The following KLHL29 variants were observed in gnomAD, a reference collection of about 807,000 sequenced individuals.
KLHL29 encodes the protein kelch like family member 29, also known as kelch-like protein 29.
A neutral mutation model predicts 80.4 loss-of-function variants in KLHL29; 21 were observed. That is an observed-to-expected ratio of 0.26 (90% CI 0.19 to 0.38). The LOEUF is 0.38. KLHL29 is among the 10% of genes least tolerant of loss of function. The pLI is 1.00. For synonymous variants in KLHL29, 511 were observed against 526.8 expected (o/e 0.97, Z 0.41); for missense variants, 867 against 1,223.9 (o/e 0.71, Z 4.35).
At chr2:23,388,664 T>TA (rs1236790741) in intron 1 of KLHL29, among the ~76,000 whole-genome samples, 2 of 152,248 alleles carry the variant, frequency 1.3e-5, no homozygotes, top group East Asian at 3.8e-4. Context: ...TTGATTTGGC[T>TA]ACAAACCATT....
chr2:23,537,185 C>T (rs932136747), intron 2 of KLHL29, among the ~76,000 whole-genome samples: 3 of 152,130 alleles, frequency 2.0e-5, no homozygotes, highest in African/African-American at 4.8e-5. Context: ...CGGGCTCTGT[C>T]GGCTAATTCA....
rs1408419898 is a variant in KLHL29 at position 23,684,926 on chromosome 2, C to G, written c.1079+389C>G. Among the ~76,000 whole-genome samples, 1 of 152,220 alleles carries G rather than the reference C, an allele frequency of 6.6e-6. No individual in the cohort carries two copies. Among genetic ancestry groups the G allele is most frequent in the Non-Finnish European group, 1.5e-5 (1 of 68,038 alleles). On this transcript the variant is annotated intron_variant, in intron 6 of 13. Coordinates refer to ENST00000486442, the MANE Select transcript of KLHL29 (RefSeq NM_052920.2). The surrounding 1 kb of genome is among the most constrained non-coding windows in gnomAD (Gnocchi z 4.4). ...ACACACTGCCCCCACCGGGCCAGAG[C>G]AGGATCCCCAGTGCCATCGTCCCTG...
chr2:23,610,130 C>G (rs975246380), intron 3 of KLHL29, among the ~76,000 whole-genome samples: 9 of 152,144 alleles, frequency 5.9e-5, no homozygotes, highest in African/African-American at 9.7e-5. Flanking sequence ...CCCTTCCTCC[C>G]AACACTTGGA....
intron 2 of KLHL29, among the ~76,000 whole-genome samples, chr2:23,485,541 C>T (rs1664912108): frequency 6.6e-6 from 1 of 152,166 alleles, no homozygotes; most frequent in Admixed American, 6.5e-5. Flanking sequence ...AGTCCATGGC[C>T]CAGGAGGAAG....
intron 1 of KLHL29, among the ~76,000 whole-genome samples, chr2:23,452,493 G>A (rs1281333768): frequency 4.6e-5 from 7 of 152,074 alleles, no homozygotes; most frequent in Admixed American, 3.3e-4. Context: ...CATCCAAACC[G>A]TGTCAGATGG....
At chr2:23,424,476 A>G (rs551825896) in intron 1 of KLHL29, among the ~76,000 whole-genome samples, 2 of 152,344 alleles carry the variant, frequency 1.3e-5, no homozygotes, top group African/African-American at 2.4e-5. Context: ...CGCTTTGGCT[A>G]TAAAAAGTGA....
intron 12 of KLHL29, 84 bp downstream of exon 12, chr2:23,703,463 C>T: frequency 8.0e-7 from 1 of 1,248,074 alleles, no homozygotes; most frequent in Non-Finnish European, 1.1e-6. Flanking sequence ...GCCCAGAAGT[C>T]AGGCTAAGCC....
chr2:23,398,250 A>G (rs1420004998), intron 1 of KLHL29, among the ~76,000 whole-genome samples: 1 of 152,262 alleles, frequency 6.6e-6, no homozygotes, highest in Non-Finnish European at 1.5e-5. Flanking sequence ...AAAATACACT[A>G]GATACATACA....
In KLHL29 at chr2:23,446,206, T is replaced by TG. The variant is rs1374684105; in HGVS notation, c.-153-29354_-153-29353insG. 2.4e-3 allele frequency among the ~76,000 whole-genome samples: 369 copies of TG among 151,152 alleles called. 1 individual carries two copies. The highest frequency in any genetic ancestry group is 2.3e-3 in the Non-Finnish European group (154 of 67,676). ...GTTAGCTGTCTAATGCATTTGGAGT[T>TG]TTTTTTTTTTTTCTGGTGAATGGTA... On this transcript the variant is annotated intron_variant, in intron 1 of 13. Coordinates refer to ENST00000486442, the MANE Select transcript of KLHL29 (RefSeq NM_052920.2).
chr2:23,492,804 G>C (rs1665142205), intron 2 of KLHL29, among the ~76,000 whole-genome samples: 2 of 152,260 alleles, frequency 1.3e-5, no homozygotes. Context: ...AGCTAGTCCT[G>C]GCTGGTCCCG....
chr2:23,525,852 G>A (rs1351602438), intron 2 of KLHL29, among the ~76,000 whole-genome samples: 3 of 152,084 alleles, frequency 2.0e-5, no homozygotes, highest in African/African-American at 7.2e-5. Flanking sequence ...TAGGGATCCT[G>A]TGTTGCTGCC....
chr2:23,505,942 C>T (rs534680532), intron 2 of KLHL29, among the ~76,000 whole-genome samples: 1 of 152,318 alleles, frequency 6.6e-6, no homozygotes, highest in South Asian at 2.1e-4. Context: ...CCGTCTATCA[C>T]TGCCAATGCC....
chr2:23,639,327 C>A, intron 4 of KLHL29, 47 bp downstream of exon 4: 1 of 1,525,470 alleles, frequency 6.6e-7, no homozygotes, highest in Non-Finnish European at 8.8e-7. Context: ...CAGGGCTTGG[C>A]GGGAAGCTAG....
rs77234990 is a variant in KLHL29, at chr2:23,620,661, A to G, written c.286-18478A>G. ...GTGTGAAGTGCAGGCAGGACATCCA[A>G]GTGGAAGCGTCGAGTGGGCTTGTGA... On this transcript the variant is annotated intron_variant, in intron 3 of 13. Transcript: ENST00000486442. 8.1e-3 allele frequency among the ~76,000 whole-genome samples: 1,238 copies of G among 152,262 alleles called. 20 individuals carry two copies. The highest frequency in any genetic ancestry group is 0.028 in the African/African-American group (1,164 of 41,540).
chr2:23,578,629 G>A (rs1667900500), intron 3 of KLHL29, among the ~76,000 whole-genome samples: 1 of 152,124 alleles, frequency 6.6e-6, no homozygotes. Context: ...GTCCTCTTAG[G>A]TTCTGCATTG....
At chr2:23,499,122 AGGAAATGGTTTC>A (rs1665358091) in intron 2 of KLHL29, among the ~76,000 whole-genome samples, 1 of 152,112 alleles carries the variant, frequency 6.6e-6, no homozygotes, top group Non-Finnish European at 1.5e-5. Context: ...CAGCTGCCTG[AGGAAATGGTTTC>A]GCAAGACTTT....
chr2:23,528,455 G>A (rs1304676246), intron 2 of KLHL29, among the ~76,000 whole-genome samples: 4 of 152,184 alleles, frequency 2.6e-5, no homozygotes, highest in Admixed American at 1.3e-4. Context: ...GGAAGAAGAC[G>A]TGACTGGAGA....
chr2:23,429,229 T>A (rs1005503762), intron 1 of KLHL29, among the ~76,000 whole-genome samples: 1 of 152,204 alleles, frequency 6.6e-6, no homozygotes, highest in African/African-American at 2.4e-5. Flanking sequence ...CTAAGATCTG[T>A]TCTCTCCATG....
intron 1 of KLHL29, among the ~76,000 whole-genome samples, chr2:23,403,751 G>T (rs939261449): frequency 8.6e-5 from 13 of 151,720 alleles, no homozygotes; most frequent in Admixed American, 3.9e-4. Context: ...GTGTGTGTGT[G>T]TGTGTGTGTG....
Sources: allele counts gnomAD v4.1 joint callset (sites outside exome capture counted in the v4.1 genomes callset), GRCh38; gene constraint gnomAD v4.1.1; non-coding constraint Gnocchi (gnomAD v3.1); transcripts MANE v1.5; gene names NCBI Gene and HGNC (gene_info 2026-07-23, HGNC 2026-07-21).